Variants in VRK1 observed in about 807,000 individuals in gnomAD.
The protein encoded by VRK1 is serine/threonine-protein kinase VRK1.
VRK1 carries 33 observed loss-of-function variants against 57.1 expected under a neutral mutation model. That is an observed-to-expected ratio of 0.58 (90% CI 0.44 to 0.77). The LOEUF is 0.77. VRK1 is among the 30% of genes least tolerant of loss of function. The pLI is 0.00. For synonymous variants in VRK1, 137 were observed against 147.8 expected, an observed-to-expected ratio of 0.93 and a Z score of 0.53; for missense variants, 413 against 477.3, an observed-to-expected ratio of 0.87 and a Z score of 1.25.
chr14:96,803,360 A>G (rs78075025), intron 1 of VRK1, among the ~76,000 whole-genome samples: 6 of 151,894 alleles, frequency 4.0e-5, no homozygotes, highest in South Asian at 2.1e-4. Context: ...AAGTAGAGAC[A>G]GGGTTTCACC....
chr14:96,823,287 T>G (rs1308905431), intron 1 of VRK1, among the ~76,000 whole-genome samples: 2 of 152,234 alleles, frequency 1.3e-5, no homozygotes, highest in African/African-American at 4.8e-5. Flanking sequence ...TTCCTTGAGG[T>G]ATAGCAAGTG....
At chr14:96,814,181 T>C (rs1886308141) in intron 1 of VRK1, among the ~76,000 whole-genome samples, 1 of 152,248 alleles carries the variant, frequency 6.6e-6, no homozygotes, top group Admixed American at 6.5e-5. Context: ...GAACTTGATA[T>C]CAGTATTCAT....
chr14:96,879,937 AT>A lies in VRK1; in HGVS notation c.1160-1239del, dbSNP rs1346466184. Among the ~76,000 whole-genome samples the A allele has an allele frequency of 3.2e-4, 48 of 147,852 alleles. 1 individual carries two copies. In the South Asian group the frequency reaches 0.01, roughly 31 times the overall value. On this transcript the variant is annotated intron_variant, in intron 12 of 12. Transcript: ENST00000216639. ...GCGAGACTCCCTCTCAAAAAAAAAAATAATAATAATAAAAATAAAATTTCTT... is the reference window on the plus strand; with the variant it reads ...GCGAGACTCCCTCTCAAAAAAAAAAAAATAATAATAAAAATAAAATTTCTT...
chr14:96,816,546 T>A (rs1442891196), intron 1 of VRK1, among the ~76,000 whole-genome samples: 1 of 152,162 alleles, frequency 6.6e-6, no homozygotes. Context: ...ATCCTCTTAC[T>A]GAGATGCCCC....
At chr14:96,845,004 C>T (rs146070051) in intron 3 of VRK1, among the ~76,000 whole-genome samples, 1 of 152,274 alleles carries the variant, frequency 6.6e-6, no homozygotes, top group African/African-American at 2.4e-5. Flanking sequence ...TCATCTCTAG[C>T]AACCCAAAAC....
chr14:96,803,472 G>A (rs772550391), intron 1 of VRK1, among the ~76,000 whole-genome samples: 7 of 152,038 alleles, frequency 4.6e-5, no homozygotes, highest in Non-Finnish European at 4.4e-5. Flanking sequence ...GCATCTGGCC[G>A]CTGACATATT....
At chr14:96,800,610 T>C (rs927008914) in intron 1 of VRK1, among the ~76,000 whole-genome samples, 1 of 152,096 alleles carries the variant, frequency 6.6e-6, no homozygotes, top group Non-Finnish European at 1.5e-5. Flanking sequence ...TGGAAACATA[T>C]ATGTTTGTGA....
Position 96,859,325 on chromosome 14 carries a change from G to T in VRK1, c.890-1232G>T, listed in dbSNP as rs143757593. On this transcript the variant is annotated intron_variant, in intron 10 of 12. Coordinates refer to ENST00000216639, the MANE Select transcript of VRK1 (RefSeq NM_003384.3). ...TAGTATTATGTTGTTTGTGAATAAA[G>T]ACTGGTTTACATCTTCTGTTCCACT... 5.3e-4 allele frequency among the ~76,000 whole-genome samples: 81 copies of T among 152,226 alleles called. No homozygotes were observed. The East Asian group carries it at 0.011, about 20-fold the overall frequency.
chr14:96,847,108 T>C lies in VRK1; in HGVS notation c.287-149T>C, dbSNP rs1887731365. ...TTTCATCGTAAAATGCTTTTCGTTA[T>C]TCGTTATACTGTATTCTTCATTTTC... On this transcript the variant is annotated intron_variant, in intron 4 of 12. Transcript: ENST00000216639. 13 of 604,526 alleles carry C rather than the reference T, an allele frequency of 2.2e-5. No homozygotes were observed. The South Asian group carries it at 2.7e-4, about 12-fold the overall frequency. The allele number at this position is 604,526 out of a possible 1,614,324, so 37.4% of individuals were successfully genotyped here.
chr14:96,817,585 C>A (rs1886442498), intron 1 of VRK1, among the ~76,000 whole-genome samples: 1 of 151,972 alleles, frequency 6.6e-6, no homozygotes, highest in East Asian at 1.9e-4. Context: ...TGGAAATATT[C>A]TCCCATAGAG....
chr14:96,865,551 C>G (rs901776107), intron 11 of VRK1, among the ~76,000 whole-genome samples: 1 of 152,158 alleles, frequency 6.6e-6, no homozygotes, highest in African/African-American at 2.4e-5. Context: ...TTAGTTTCCT[C>G]AAAAATACTT....
At chr14:96,816,595 A>C (rs1280765140) in intron 1 of VRK1, among the ~76,000 whole-genome samples, 3 of 152,172 alleles carry the variant, frequency 2.0e-5, no homozygotes, top group Non-Finnish European at 4.4e-5. Flanking sequence ...CACTGCAATG[A>C]GTAATAAGCC....
intron 2 of VRK1, among the ~76,000 whole-genome samples, chr14:96,834,098 TG>T (rs1287608922): frequency 1.3e-5 from 2 of 152,176 alleles, no homozygotes; most frequent in Non-Finnish European, 2.9e-5. Context: ...ATATTAGGCC[TG>T]ATTAAATGTG....
At chr14:96,838,798 TC>T (rs1887328407) in intron 3 of VRK1, among the ~76,000 whole-genome samples, 1 of 152,220 alleles carries the variant, frequency 6.6e-6, no homozygotes, top group Non-Finnish European at 1.5e-5. Context: ...TCATTTTGTT[TC>T]GTTTTACTCT....
intron 1 of VRK1, among the ~76,000 whole-genome samples, chr14:96,806,218 G>C (rs1344672194): frequency 6.6e-6 from 1 of 152,164 alleles, no homozygotes; most frequent in Non-Finnish European, 1.5e-5. Flanking sequence ...TCAAACGTCT[G>C]TCCATTCTGA....
At chr14:96,839,349 T>A (rs1887360680) in intron 3 of VRK1, among the ~76,000 whole-genome samples, 1 of 148,596 alleles carries the variant, frequency 6.7e-6, no homozygotes, top group African/African-American at 2.4e-5. Context: ...CAGGTTTTTA[T>A]TTTTCTTGGA....
intron 1 of VRK1, among the ~76,000 whole-genome samples, chr14:96,810,270 T>A (rs1886118674): frequency 6.6e-6 from 1 of 152,216 alleles, no homozygotes; most frequent in African/African-American, 2.4e-5. Flanking sequence ...GTCTTACAGC[T>A]TGTCATTTCA....
At chr14:96,864,880 C>CT (rs949737436) in intron 11 of VRK1, among the ~76,000 whole-genome samples, 14 of 149,014 alleles carry the variant, frequency 9.4e-5, no homozygotes, top group East Asian at 2.0e-4. Flanking sequence ...CTTGATAATC[C>CT]TTTTTTTTTG....
chr14:96,824,627 A>G (rs929623761), intron 1 of VRK1, among the ~76,000 whole-genome samples: 1 of 151,844 alleles, frequency 6.6e-6, no homozygotes, highest in Admixed American at 6.6e-5. Context: ...AAAAGAAAGG[A>G]TGATAGCAGA....
Sources: allele counts gnomAD v4.1 joint callset (sites outside exome capture counted in the v4.1 genomes callset), GRCh38; gene constraint gnomAD v4.1.1; transcripts MANE v1.5; gene names NCBI Gene and HGNC (gene_info 2026-07-23, HGNC 2026-07-21).